Variants in ZNF274 observed in about 807,000 individuals in gnomAD.
ZNF274 encodes zinc finger protein 274, also known as neurotrophin receptor-interacting factor homolog.
A neutral mutation model predicts 42.5 loss-of-function variants in ZNF274; 23 were observed. The observed-to-expected ratio is 0.54, with a 90% CI of 0.39 to 0.77. The LOEUF (loss-of-function observed/expected upper bound fraction) is 0.77, where lower values mean the gene tolerates loss of function less well. Among genes scored for constraint, ZNF274 ranks in the 30% least tolerant of loss-of-function variants. ZNF274 has a pLI of 0.00. For missense variants in ZNF274, 679 were observed against 806.5 expected, an observed-to-expected ratio of 0.84 and a Z score of 1.91; for synonymous variants, 292 against 305.4, an observed-to-expected ratio of 0.96 and a Z score of 0.46.
Position 58,213,058 on chromosome 19 carries a change from A to G in ZNF274, c.1877A>G (p.Lys626Arg), listed in dbSNP as rs1338706129. The G allele has an allele frequency of 6.2e-7, 1 of 1,614,136 alleles. No homozygotes were observed. Among genetic ancestry groups the G allele is most frequent in the South Asian group, 1.1e-5 (1 of 91,084 alleles). Reference sequence around the variant, plus strand: ...CCATATGCATGCAACAAATGTGGAAAGGCCTTCACCCAGAGCTCACACCTT... The same window carrying G: ...CCATATGCATGCAACAAATGTGGAAGGGCCTTCACCCAGAGCTCACACCTT... Reference protein sequence around the residue: ...ERPYACNKCGKAFTQSSHLIG... With the variant: ...ERPYACNKCGRAFTQSSHLIG... The change falls in exon 8 of 8, where the codon AAG becomes AGG. Residue 626 changes from lysine (K) to arginine (R), a missense_variant. Around this residue, in one of 2 missense-constraint regions of ZNF274, gnomAD observed 456 missense variants for 590.1 expected, o/e 0.77. Coordinates refer to ENST00000617501, the MANE Select transcript of ZNF274 (RefSeq NM_133502.3).
At chr19:58,210,965 C>G (rs2076033486) in intron 6 of ZNF274, 1 of 152,408 alleles carries the variant, frequency 6.6e-6, no homozygotes, top group South Asian at 2.1e-4. Flanking sequence ...ATCCACCCGC[C>G]TTGGCCTCCC....
intron 4 of ZNF274, among the ~76,000 whole-genome samples, chr19:58,203,283 G>A (rs1177329455): frequency 6.6e-6 from 1 of 152,016 alleles, no homozygotes; most frequent in African/African-American, 2.4e-5. Flanking sequence ...AAAAATTCAA[G>A]CCTTAAGAGC....
chr19:58,209,743 G>C (rs1369002962), intron 5 of ZNF274: 1 of 475,414 alleles, frequency 2.1e-6, no homozygotes. Flanking sequence ...GTGACCCTTG[G>C]AGGGTGAGCC....
intron 4 of ZNF274, among the ~76,000 whole-genome samples, chr19:58,205,771 G>A (rs751640373): frequency 4.6e-5 from 7 of 152,276 alleles, no homozygotes; most frequent in Middle Eastern, 3.4e-3. Flanking sequence ...CTCTGTGCCA[G>A]GACCCAGAGC....
chr19:58,188,706 A>ATATATATATATATG (rs2075741263), intron 4 of ZNF274, among the ~76,000 whole-genome samples: 2 of 93,650 alleles, frequency 2.1e-5, no homozygotes, highest in Admixed American at 1.1e-4. Flanking sequence ...ATATATATAT[A>ATATATATATATATG]TATATATATA....
chr19:58,198,025 A>G (rs1381383921), intron 4 of ZNF274, among the ~76,000 whole-genome samples: 5 of 152,220 alleles, frequency 3.3e-5, no homozygotes, highest in Non-Finnish European at 5.9e-5. Flanking sequence ...TTAAGAAGGA[A>G]AACAAACGAA....
chr19:58,185,582 A>T, intron 2 of ZNF274, 130 bp from the exon 3 acceptor site: 1 of 999,550 alleles, frequency 1.0e-6, no homozygotes, highest in Non-Finnish European at 1.4e-6. Flanking sequence ...ACTCAGGATG[A>T]GACTCCCAAA....
In ZNF274 at chr19:58,208,219, T is replaced by G. The variant is rs2076000801; in HGVS notation, c.739+1017T>G. 6.6e-6 allele frequency: 1 copy of G among 152,318 alleles called. No individual in the cohort carries two copies. The highest frequency in any genetic ancestry group is 2.1e-4 in the South Asian group (1 of 4,822). The allele number at this position is 152,318 out of a possible 1,614,324, so 9.4% of individuals were successfully genotyped here. On this transcript the variant is annotated intron_variant, in intron 5 of 7. Coordinates refer to ENST00000617501, the MANE Select transcript of ZNF274 (RefSeq NM_133502.3). This position sits in a 1 kb window ranked among gnomAD's most constrained non-coding sequence, Gnocchi z 4.5. ...AACGAATGATTGACTGGTTGATGTTTGTGATTGCAGGAAAGGGGAAGGTAT... is the reference window on the plus strand; with the variant it reads ...AACGAATGATTGACTGGTTGATGTTGGTGATTGCAGGAAAGGGGAAGGTAT...
At position 58,185,781 on chromosome 19, in the gene ZNF274, CAG is replaced by C; in HGVS notation, c.105_106del (p.Lys36ValfsTer53). 3 of 1,457,474 alleles carry C rather than the reference CAG, an allele frequency of 2.1e-6. No homozygotes were observed. The highest frequency in any genetic ancestry group is 1.8e-6 in the Non-Finnish European group (2 of 1,096,618). 90.3% of individuals were successfully genotyped at this position (1,457,474 alleles called of 1,614,324 possible). A position where few individuals can be genotyped will look rare whatever the true frequency, so the allele number is the denominator to read the frequency against. On this transcript the variant is annotated frameshift_variant, in exon 3 of 8. Transcript: ENST00000617501. LOFTEE classifies it high-confidence loss of function. ...AGAGTGGGGACTGCTGGACCTCAAA[CAG>C]AAGTCCCTGTACAGGGAAGTGATGC... ...PEEWGLLDLK[Q>X]KSLYREVMLE...
chr19:58,210,722 C>CT (rs905583487), intron 6 of ZNF274: 51 of 152,248 alleles, frequency 3.3e-4, no homozygotes, highest in African/African-American at 8.5e-4. Flanking sequence ...CTTTCTTCTT[C>CT]TTTTTTTTTG....
At position 58,212,711 on chromosome 19, in the gene ZNF274, T is replaced by C; in HGVS notation, c.1530T>C (p.Ser510=). Reference sequence around the variant, plus strand: ...AGGGGAGCCAAGTTTGCCGATGCAGTGAATGTGGTAAAATATTCCGGAACC... The same window carrying C: ...AGGGGAGCCAAGTTTGCCGATGCAGCGAATGTGGTAAAATATTCCGGAACC... ...IHKGSQVCRC[S]ECGKIFRNPR... is the part of the protein sequence containing the mutation. The change falls in exon 8 of 8, where the codon AGT becomes AGC. Residue 510 remains serine, a synonymous_variant. Transcript: ENST00000617501. This position sits in a 1 kb window ranked among gnomAD's most constrained non-coding sequence, Gnocchi z 4.6. 1 of 1,613,942 alleles carries C rather than the reference T, an allele frequency of 6.2e-7. No homozygotes were observed. The highest frequency in any genetic ancestry group is 8.5e-7 in the Non-Finnish European group (1 of 1,179,886).
At chr19:58,188,482 A>G (rs1351072418) in intron 4 of ZNF274, among the ~76,000 whole-genome samples, 3 of 150,548 alleles carry the variant, frequency 2.0e-5, no homozygotes, top group Admixed American at 6.7e-5. Context: ...TTAGCTGGGC[A>G]TGGTGGGTGC....
In ZNF274 at chr19:58,186,932, T is replaced by C; in HGVS notation, c.161-15T>C. 6.2e-7 allele frequency: 1 copy of C among 1,611,436 alleles called. No individual in the cohort carries two copies. Among genetic ancestry groups the C allele is most frequent in the Non-Finnish European group, 8.5e-7 (1 of 1,178,542 alleles). ...CACAGACCCCCACAAGCCCTGTCTC[T>C]TTTCCTTTGAGCAGAACATCAGCTT... is the stretch of plus-strand genomic sequence containing the variant. On this transcript the variant is annotated splice_polypyrimidine_tract_variant and intron_variant, in intron 3 of 7. Transcript: ENST00000617501.
chr19:58,213,294 G>A lies in ZNF274; in HGVS notation c.*151G>A, dbSNP rs1209685737. ...AAAGGACAACTGAGGAGACTGCCCAGCACATAATGAATAAATAAGAAAATG... is the reference window on the plus strand; with the variant it reads ...AAAGGACAACTGAGGAGACTGCCCAACACATAATGAATAAATAAGAAAATG... On this transcript the variant is annotated 3_prime_UTR_variant, in exon 8 of 8. Transcript: ENST00000617501. 3.4e-6 allele frequency: 3 copies of A among 881,042 alleles called. No individual in the cohort carries two copies. Among genetic ancestry groups the A allele is most frequent in the Non-Finnish European group, 4.8e-6 (3 of 625,826 alleles). 54.6% of individuals were successfully genotyped at this position (881,042 alleles called of 1,614,324 possible).
intron 4 of ZNF274, among the ~76,000 whole-genome samples, chr19:58,193,151 C>CTT (rs747568011): frequency 2.8e-5 from 4 of 142,494 alleles, no homozygotes; most frequent in South Asian, 2.2e-4. Context: ...TATCTTTTTT[C>CTT]TTTTTTTTTT....
chr19:58,203,114 T>G (rs1320556945), intron 4 of ZNF274, among the ~76,000 whole-genome samples: 1 of 152,198 alleles, frequency 6.6e-6, no homozygotes, highest in Non-Finnish European at 1.5e-5. Context: ...TTAAGTGTCA[T>G]GCATGGTTAC....
intron 3 of ZNF274, 95 bp from the exon 4 acceptor site, chr19:58,186,852 C>A: frequency 9.7e-7 from 1 of 1,026,674 alleles, no homozygotes; most frequent in Non-Finnish European, 1.5e-6. Flanking sequence ...TGTGCCTTAG[C>A]AGGGGAGAAG....
At position 58,208,324 on chromosome 19, in the gene ZNF274, C is replaced by G. The variant is rs2076001964; in HGVS notation, c.739+1122C>G. ...TCCGAGGCAGCAGGGCAGGCACTTG[C>G]ATGAGTTGTGTCAGATGCACCAAGT... On this transcript the variant is annotated intron_variant, in intron 5 of 7. Coordinates refer to ENST00000617501, the MANE Select transcript of ZNF274 (RefSeq NM_133502.3). This position sits in a 1 kb window ranked among gnomAD's most constrained non-coding sequence, Gnocchi z 4.5. 1 of 152,332 alleles carries G rather than the reference C, an allele frequency of 6.6e-6. No homozygotes were observed. Among genetic ancestry groups the G allele is most frequent in the African/African-American group, 2.4e-5 (1 of 41,460 alleles). The allele number at this position is 152,332 out of a possible 1,614,324, so 9.4% of individuals were successfully genotyped here.
chr19:58,207,528 GGA>G lies in ZNF274; in HGVS notation c.739+331_739+332del, dbSNP rs1342600039. Among the ~76,000 whole-genome samples the G allele has an allele frequency of 2.6e-5, 4 of 152,304 alleles. No individual in the cohort carries two copies. Among genetic ancestry groups the G allele is most frequent in the Admixed American group, 1.3e-4 (2 of 15,306 alleles). On this transcript the variant is annotated intron_variant, in intron 5 of 7. Coordinates refer to ENST00000617501, the MANE Select transcript of ZNF274 (RefSeq NM_133502.3). This position sits in a 1 kb window ranked among gnomAD's most constrained non-coding sequence, Gnocchi z 5.6. ...TGAGCTCAGAGAGCCCGCAGTAGCA[GGA>G]GAGACAGGGATTTGACAAATGAGAA...
Sources: gnomAD v4.1 joint callset for allele counts (sites outside exome capture counted in the v4.1 genomes callset) on GRCh38, gnomAD v4.1.1 for gene constraint, gnomAD v4.1.1 regional missense constraint, Gnocchi (gnomAD v3.1) non-coding constraint, MANE v1.5 for transcripts, NCBI Gene and HGNC (gene_info 2026-07-23, HGNC 2026-07-21) for gene names.